Variants in SNX27 observed in about 807,000 individuals in gnomAD.
The protein encoded by SNX27 is sorting nexin-27.
SNX27 carries 22 observed loss-of-function variants against 71.6 expected under a neutral mutation model. That is an observed-to-expected ratio of 0.31 (90% confidence interval 0.22 to 0.44). The LOEUF (loss-of-function observed/expected upper bound fraction) is 0.44, where lower values mean the gene tolerates loss of function less well. Ranked by LOEUF, SNX27 falls within the 20% of genes least tolerant of loss-of-function variation. The probability of loss-of-function intolerance (pLI) is 1.00; values close to 1 mark genes in which losing one functional copy is unlikely to be tolerated. For synonymous variants in SNX27, 269 were observed against 277.2 expected (o/e 0.97, Z 0.29); for missense variants, 531 against 698.6 (o/e 0.76, Z 2.70).
chr1:151,675,235 A>G (rs1332895166), intron 7 of SNX27, among the ~76,000 whole-genome samples: 1 of 150,674 alleles, frequency 6.6e-6, no homozygotes, highest in Non-Finnish European at 1.5e-5. Context: ...TTTCCCTTTG[A>G]TCTCATGGGT....
chr1:151,683,282 G>A (rs1314726030), intron 7 of SNX27, 74 bp from the exon 8 acceptor site: 1 of 1,218,402 alleles, frequency 8.2e-7, no homozygotes, highest in African/African-American at 1.5e-5. Context: ...ATGCGTCTGT[G>A]TCTGTTTTCA....
chr1:151,626,142 ATAAAAT>A (rs1259903790), intron 1 of SNX27, among the ~76,000 whole-genome samples: 1 of 151,996 alleles, frequency 6.6e-6, no homozygotes, highest in African/African-American at 2.4e-5. Flanking sequence ...AAAATAAAAA[ATAAAAT>A]TAAAAAAGAT....
chr1:151,629,441 A>G (rs1195695572), intron 1 of SNX27: 1 of 140,742 alleles, frequency 7.1e-6, no homozygotes, highest in Admixed American at 7.5e-5. Context: ...ACACGCACAT[A>G]TATACACATG....
chr1:151,653,266 TTTG>T (rs141807733), intron 2 of SNX27, among the ~76,000 whole-genome samples: 14,936 of 152,160 alleles, frequency 0.098, 788 homozygotes, highest in South Asian at 0.14. Context: ...GTTTTCCATT[TTTG>T]TTCTGTAATA....
intron 1 of SNX27, among the ~76,000 whole-genome samples, chr1:151,623,762 T>A (rs1288969107): frequency 6.6e-6 from 1 of 152,102 alleles, no homozygotes; most frequent in African/African-American, 2.4e-5. Context: ...TCATGTCTAC[T>A]CTATGATAGG....
At chr1:151,642,861 C>T (rs1175800672) in intron 2 of SNX27, among the ~76,000 whole-genome samples, 4 of 152,080 alleles carry the variant, frequency 2.6e-5, no homozygotes, top group Admixed American at 2.0e-4. Flanking sequence ...AGGATGGTCT[C>T]GATCTCCTGA....
chr1:151,652,128 C>A (rs961984514), intron 2 of SNX27, among the ~76,000 whole-genome samples: 4 of 147,328 alleles, frequency 2.7e-5, no homozygotes. Flanking sequence ...TGCAGTGAGC[C>A]GAGATGGCAG....
chr1:151,653,476 T>G (rs368520535), intron 2 of SNX27, among the ~76,000 whole-genome samples: 1 of 152,192 alleles, frequency 6.6e-6, no homozygotes, highest in Non-Finnish European at 1.5e-5. Flanking sequence ...GCTATTACCT[T>G]GTGCTTAGAG....
chr1:151,686,499 T>C (rs189535020), intron 8 of SNX27, among the ~76,000 whole-genome samples: 4 of 152,348 alleles, frequency 2.6e-5, no homozygotes, highest in Admixed American at 1.3e-4. Flanking sequence ...TGCTTAAACA[T>C]TTGTGGAATT....
At chr1:151,647,439 C>T (rs4043650) in intron 2 of SNX27, among the ~76,000 whole-genome samples, 6 of 139,666 alleles carry the variant, frequency 4.3e-5, no homozygotes, top group South Asian at 2.4e-4. Flanking sequence ...CATGGGCCAC[C>T]GTGCCCAGCC....
chr1:151,638,837 GT>G (rs756862641), intron 1 of SNX27, 50 bp from the exon 2 acceptor site: 2 of 1,559,834 alleles, frequency 1.3e-6, no homozygotes, highest in Non-Finnish European at 1.8e-6. Context: ...GATACAAGGT[GT>G]TTGGACCCTT....
intron 2 of SNX27, among the ~76,000 whole-genome samples, chr1:151,655,714 C>G (rs560322641): frequency 6.6e-6 from 1 of 152,142 alleles, no homozygotes; most frequent in Non-Finnish European, 1.5e-5. Flanking sequence ...TACATTGTGT[C>G]CAGTTTTCTG....
chr1:151,664,210 AT>A (rs989971492), intron 5 of SNX27, among the ~76,000 whole-genome samples: 10 of 147,264 alleles, frequency 6.8e-5, no homozygotes, highest in South Asian at 2.1e-4. Flanking sequence ...AATAATATAT[AT>A]TTAATATATA....
chr1:151,615,342 G>A (rs1462334374), intron 1 of SNX27, among the ~76,000 whole-genome samples: 1 of 151,956 alleles, frequency 6.6e-6, no homozygotes, highest in Non-Finnish European at 1.5e-5. Flanking sequence ...CAACTATACA[G>A]TGTCTTTCTC....
intron 2 of SNX27, among the ~76,000 whole-genome samples, chr1:151,648,130 C>CAGTAG (rs1415632234): frequency 6.6e-6 from 1 of 152,116 alleles, no homozygotes; most frequent in Non-Finnish European, 1.5e-5. Flanking sequence ...TCTTGGCACC[C>CAGTAG]TGCAACCTCT....
intron 7 of SNX27, chr1:151,675,844 T>TTTTTTTTTTTTTTC (rs1670672699): frequency 8.5e-6 from 1 of 117,534 alleles, no homozygotes; most frequent in African/African-American, 3.2e-5. Flanking sequence ...TTTTTTTTTT[T>TTTTTTTTTTTTTTC]TATATAGGCT....
At chr1:151,621,158 T>G (rs1433682799) in intron 1 of SNX27, among the ~76,000 whole-genome samples, 2 of 152,130 alleles carry the variant, frequency 1.3e-5, no homozygotes, top group Non-Finnish European at 2.9e-5. Context: ...TAAGACCTGG[T>G]GGTGATCACA....
intron 8 of SNX27, among the ~76,000 whole-genome samples, chr1:151,689,587 G>A (rs1222391298): frequency 1.3e-5 from 2 of 152,184 alleles, no homozygotes; most frequent in African/African-American, 4.8e-5. Flanking sequence ...AAACAGTAGT[G>A]GTACCTCTCA....
chr1:151,694,105 T>C (rs1057170343), intron 11 of SNX27: 35 of 1,254,698 alleles, frequency 2.8e-5, no homozygotes, highest in Admixed American at 2.3e-4. Context: ...GGCTTTTTTT[T>C]CCCTCTGTGT....
Sources: allele counts gnomAD v4.1 joint callset (sites outside exome capture counted in the v4.1 genomes callset), GRCh38; gene constraint gnomAD v4.1.1; transcripts MANE v1.5; gene names NCBI Gene and HGNC (gene_info 2026-07-23, HGNC 2026-07-21).